RNF216: variants seen among roughly 807,000 people sequenced by gnomAD.
The protein encoded by RNF216 is ring finger protein 216, also known as E3 ubiquitin-protein ligase RNF216.
A neutral mutation model predicts 110.8 loss-of-function variants in RNF216; 72 were observed. The ratio of observed to expected loss-of-function variants is 0.65; its 90% CI spans 0.54 to 0.79. The LOEUF is 0.79. Among genes scored for constraint, RNF216 ranks in the 30% least tolerant of loss-of-function variants. RNF216 has a pLI of 0.00. For synonymous variants in RNF216, 495 were observed against 407.5 expected (o/e 1.21, Z -2.59); for missense variants, 1,342 against 1,141.2 (o/e 1.18, Z -2.54).
intron 13 of RNF216, among the ~76,000 whole-genome samples, chr7:5,691,475 G>C (rs970311940): frequency 6.6e-6 from 1 of 152,150 alleles, no homozygotes; most frequent in African/African-American, 2.4e-5. Flanking sequence ...AGGCAGTAAT[G>C]GAGAGAGCTA....
At chr7:5,623,227 A>C (rs1786501637) in intron 16 of RNF216, 48 bp from the exon 17 acceptor site, 1 of 1,501,674 alleles carries the variant, frequency 6.7e-7, no homozygotes, top group African/African-American at 1.4e-5. Flanking sequence ...AACCAACCTC[A>C]ATGGAATCTA....
At chr7:5,689,503 A>AAAAAAAC (rs1018586215) in intron 13 of RNF216, among the ~76,000 whole-genome samples, 1 of 152,150 alleles carries the variant, frequency 6.6e-6, no homozygotes, top group African/African-American at 2.4e-5. Context: ...CATTTTCTAA[A>AAAAAAAC]AAAAAACAAA....
intron 13 of RNF216, among the ~76,000 whole-genome samples, chr7:5,701,888 A>G (rs1252973973): frequency 6.6e-6 from 1 of 152,164 alleles, no homozygotes; most frequent in Non-Finnish European, 1.5e-5. Context: ...TGTCCCAAAC[A>G]ATGCCTCTTC....
chr7:5,720,042 G>A (rs1214179359), intron 9 of RNF216, among the ~76,000 whole-genome samples: 1 of 152,234 alleles, frequency 6.6e-6, no homozygotes, highest in Non-Finnish European at 1.5e-5. Context: ...TCTTAAAAAT[G>A]TAAGTGCATG....
At chr7:5,698,960 G>A (rs772986987) in intron 13 of RNF216, among the ~76,000 whole-genome samples, 1 of 152,044 alleles carries the variant, frequency 6.6e-6, no homozygotes, top group Non-Finnish European at 1.5e-5. Flanking sequence ...AGAGTGAACT[G>A]GAAAGCAGCA....
intron 8 of RNF216, among the ~76,000 whole-genome samples, chr7:5,724,939 T>C (rs1793657423): frequency 6.6e-6 from 1 of 152,212 alleles, no homozygotes; most frequent in Admixed American, 6.5e-5. Context: ...CTCAGTTGCA[T>C]AAGTGACCCT....
At chr7:5,623,653 C>A (rs1315745106) in intron 16 of RNF216, among the ~76,000 whole-genome samples, 1 of 151,980 alleles carries the variant, frequency 6.6e-6, no homozygotes, top group Admixed American at 6.6e-5. Context: ...AGGCTAGCCC[C>A]AACCTCCTGG....
At chr7:5,687,180 G>A (rs1791037615) in intron 13 of RNF216, among the ~76,000 whole-genome samples, 1 of 152,150 alleles carries the variant, frequency 6.6e-6, no homozygotes, top group Non-Finnish European at 1.5e-5. Context: ...CAGATCACCT[G>A]AGGTCAGGAG....
chr7:5,760,766 G>C (rs1795891904), intron 2 of RNF216, among the ~76,000 whole-genome samples: 1 of 152,160 alleles, frequency 6.6e-6, no homozygotes, highest in Non-Finnish European at 1.5e-5. Context: ...CATATTAACA[G>C]CGTCTTGCCA....
At position 5,741,565 on chromosome 7, in the gene RNF216, T is replaced by A. The variant is rs778374326; in HGVS notation, c.452A>T (p.Gln151Leu). 2 of 1,614,082 alleles carry A rather than the reference T, an allele frequency of 1.2e-6. No homozygotes were observed. Among genetic ancestry groups the A allele is most frequent in the African/African-American group, 1.3e-5 (1 of 74,918 alleles). Reference sequence around the variant, plus strand: ...TCCAGGCTTGGGTTCTCTTTCTGTTTGGCCACTTGGCTTAGTGAATTCAGA... The same window carrying A: ...TCCAGGCTTGGGTTCTCTTTCTGTTAGGCCACTTGGCTTAGTGAATTCAGA... ...GISEFTKPSG[Q>L]TEREPKPGPS... is the part of the protein sequence containing the mutation. The change falls in exon 4 of 17, where the codon CAA (glutamine) becomes CTA (leucine). Residue 151 changes from glutamine to leucine, a missense_variant. Coordinates refer to ENST00000389902, the MANE Select transcript of RNF216 (RefSeq NM_207111.4).
At chr7:5,687,410 A>AG (rs1378269159) in intron 13 of RNF216, among the ~76,000 whole-genome samples, 22 of 143,746 alleles carry the variant, frequency 1.5e-4, no homozygotes, top group African/African-American at 5.4e-4. Flanking sequence ...AAAAAAAAAA[A>AG]AAAAGAAAAA....
At chr7:5,730,022 A>G (rs1240840822) in intron 6 of RNF216, among the ~76,000 whole-genome samples, 2 of 152,220 alleles carry the variant, frequency 1.3e-5, no homozygotes, top group Non-Finnish European at 2.9e-5. Flanking sequence ...GATCACAAAT[A>G]ATGACAATGA....
At chr7:5,655,354 T>G (rs934743123) in intron 13 of RNF216, among the ~76,000 whole-genome samples, 1 of 152,174 alleles carries the variant, frequency 6.6e-6, no homozygotes, top group Non-Finnish European at 1.5e-5. Flanking sequence ...CTGTAGCACT[T>G]TGGGAGGCCG....
intron 11 of RNF216, 56 bp from the exon 12 acceptor site, chr7:5,712,919 A>C: frequency 6.6e-7 from 1 of 1,512,920 alleles, no homozygotes; most frequent in Non-Finnish European, 9.0e-7. Flanking sequence ...ATAGAAAAAT[A>C]AAAAGCGTCA....
intron 13 of RNF216, among the ~76,000 whole-genome samples, chr7:5,672,204 C>G (rs1166064271): frequency 2.6e-5 from 4 of 152,200 alleles, no homozygotes; most frequent in Non-Finnish European, 5.9e-5. Flanking sequence ...GAGACTGGGA[C>G]TAAGTCCCAG....
intron 13 of RNF216, among the ~76,000 whole-genome samples, chr7:5,707,718 GTTTTTTTTTTTT>G (rs35372254): frequency 1.1e-5 from 1 of 92,828 alleles, no homozygotes; most frequent in Non-Finnish European, 2.0e-5. Flanking sequence ...TGTGTGTGTG[GTTTTTTTTTTTT>G]TTTTTTTTTT....
At chr7:5,720,632 A>G (rs1051197740) in intron 9 of RNF216, among the ~76,000 whole-genome samples, 4 of 152,160 alleles carry the variant, frequency 2.6e-5, no homozygotes, top group Non-Finnish European at 5.9e-5. Flanking sequence ...CAGACCCCCA[A>G]GAGAGTCTTG....
rs547236545 is a variant in RNF216 at position 5,654,249 on chromosome 7, G to A, written c.2062-1739C>T. 9.9e-5 allele frequency among the ~76,000 whole-genome samples: 15 copies of A among 152,178 alleles called. No homozygotes were observed. The South Asian group carries it at 2.3e-3, about 23-fold the overall frequency. On this transcript the variant is annotated intron_variant, in intron 13 of 16. Coordinates refer to ENST00000389902, the MANE Select transcript of RNF216 (RefSeq NM_207111.4). ...CTGGTGGGTGTAGAGATGAGTCGCC[G>A]TGCCTGGCCCTTTTGTACATTCTGA...
At chr7:5,653,317 G>A (rs1027114314) in intron 13 of RNF216, among the ~76,000 whole-genome samples, 3 of 152,046 alleles carry the variant, frequency 2.0e-5, no homozygotes, top group Non-Finnish European at 2.9e-5. Flanking sequence ...AGAGCCAGGC[G>A]CGGTGGCTCA....
Sources: gnomAD v4.1 joint callset for allele counts (sites outside exome capture counted in the v4.1 genomes callset) on GRCh38, gnomAD v4.1.1 for gene constraint, MANE v1.5 for transcripts, NCBI Gene and HGNC (gene_info 2026-07-23, HGNC 2026-07-21) for gene names.